SLC35F3: variants seen among roughly 807,000 people sequenced by gnomAD.
SLC35F3 encodes solute carrier family 35 member F3.
In SLC35F3, 25 loss-of-function variants were observed where a neutral mutation model predicts 49.9. The observed-to-expected ratio is 0.50, with a 90% CI of 0.37 to 0.70. The LOEUF is 0.70. Among genes scored for constraint, SLC35F3 ranks in the 30% least tolerant of loss-of-function variants. SLC35F3 has a pLI of 0.00. For synonymous variants in SLC35F3, 275 were observed against 265.4 expected, an observed-to-expected ratio of 1.04 and a Z score of -0.35; for missense variants, 525 against 639.8, an observed-to-expected ratio of 0.82 and a Z score of 1.94.
chr1:234,160,684 A>T (rs559287870), intron 2 of SLC35F3, among the ~76,000 whole-genome samples: 2 of 152,250 alleles, frequency 1.3e-5, no homozygotes, highest in South Asian at 4.1e-4. Context: ...CCAGCTAACC[A>T]AGAGCATCAG....
chr1:234,007,278 A>G (rs554989233), intron 2 of SLC35F3, among the ~76,000 whole-genome samples: 1 of 152,204 alleles, frequency 6.6e-6, no homozygotes, highest in Non-Finnish European at 1.5e-5. Context: ...TGCTGAGTGA[A>G]TGAGGATGCA....
At chr1:234,309,064 G>A (rs1165633802) in intron 3 of SLC35F3, 37 bp from the exon 4 acceptor site, 1 of 1,586,464 alleles carries the variant, frequency 6.3e-7, no homozygotes, top group African/African-American at 1.3e-5. Context: ...TCTGAACCCA[G>A]GAAAATAATA....
intron 2 of SLC35F3, among the ~76,000 whole-genome samples, chr1:234,186,182 G>A (rs772432650): frequency 3.0e-4 from 45 of 152,340 alleles, no homozygotes; most frequent in South Asian, 6.2e-4. Context: ...CAGTCTCATT[G>A]CATTAATATC....
At chr1:234,078,755 C>G (rs1443463049) in intron 2 of SLC35F3, among the ~76,000 whole-genome samples, 1 of 152,124 alleles carries the variant, frequency 6.6e-6, no homozygotes, top group Non-Finnish European at 1.5e-5. Context: ...TAAGATGTTA[C>G]AATCAGATCT....
chr1:234,231,867 A>C lies in SLC35F3; in HGVS notation c.608+126A>C. ...GTGGGAGCCCGTGGAGAGATGTTGC[A>C]GTGAATGCACCTGCTCTCAGTGGGG... On this transcript the variant is annotated intron_variant, in intron 3 of 7. Coordinates refer to ENST00000366618, the MANE Select transcript of SLC35F3 (RefSeq NM_173508.4). This position sits in a 1 kb window ranked among gnomAD's most constrained non-coding sequence, Gnocchi z 5.4. The C allele has an allele frequency of 1.1e-6, 1 of 903,568 alleles. No individual in the cohort carries two copies. The highest frequency in any genetic ancestry group is 1.7e-6 in the Non-Finnish European group (1 of 583,430). The allele number at this position is 903,568 out of a possible 1,614,324, so 56.0% of individuals were successfully genotyped here.
intron 2 of SLC35F3, among the ~76,000 whole-genome samples, chr1:233,943,639 C>T (rs938474928): frequency 1.3e-5 from 2 of 152,108 alleles, no homozygotes; most frequent in African/African-American, 4.8e-5. Context: ...ATGCAAAGGA[C>T]TCCAGTGTAA....
chr1:234,315,688 G>A (rs548837260), intron 4 of SLC35F3, among the ~76,000 whole-genome samples: 1 of 152,246 alleles, frequency 6.6e-6, no homozygotes, highest in South Asian at 2.1e-4. Flanking sequence ...TTCATAAGAG[G>A]GATAAAATTC....
rs1030682172 is a variant in SLC35F3, at chr1:234,120,865, C to G, written c.284-110552C>G. Among the ~76,000 whole-genome samples the G allele has an allele frequency of 3.3e-5, 5 of 152,328 alleles. No individual in the cohort carries two copies. The South Asian group carries it at 1.0e-3, about 32-fold the overall frequency. On this transcript the variant is annotated intron_variant, in intron 2 of 7. Coordinates refer to ENST00000366618, the MANE Select transcript of SLC35F3 (RefSeq NM_173508.4). ...AATCGAGGGATCTTTTAAGCATTCA[C>G]TAAATCTAGCATTTGCTAAATCTAA...
rs1209000475 is a variant in SLC35F3 at position 233,957,151 on chromosome 1, C to T, written c.283+51393C>T. Among the ~76,000 whole-genome samples the T allele has an allele frequency of 1.3e-5, 2 of 152,180 alleles. No individual in the cohort carries two copies. The highest frequency in any genetic ancestry group is 6.5e-5 in the Admixed American group (1 of 15,276). On this transcript the variant is annotated intron_variant, in intron 2 of 7. Transcript: ENST00000366618. The surrounding 1 kb of genome is among the most constrained non-coding windows in gnomAD (Gnocchi z 4.0). ...AACATGGGTAGGAGAAGAATAAAAGCTCTCACCCCTATTCCAAGACCTGGA... is the reference window on the plus strand; with the variant it reads ...AACATGGGTAGGAGAAGAATAAAAGTTCTCACCCCTATTCCAAGACCTGGA...
chr1:234,016,858 C>A (rs759001285), intron 2 of SLC35F3, among the ~76,000 whole-genome samples: 9 of 152,268 alleles, frequency 5.9e-5, no homozygotes, highest in Non-Finnish European at 1.2e-4. Flanking sequence ...TTCGCTTACA[C>A]CACTAACACC....
rs779828617 is a variant in SLC35F3, at chr1:234,231,436, C to T, written c.303C>T (p.Asp101=). The change falls in exon 3 of 8, where the codon GAC becomes GAT. Residue 101 remains aspartate (D), a synonymous_variant. Coordinates refer to ENST00000366618, the MANE Select transcript of SLC35F3 (RefSeq NM_173508.4). This position sits in a 1 kb window ranked among gnomAD's most constrained non-coding sequence, Gnocchi z 5.4. Reference sequence around the variant, plus strand: ...CCCCAGGGGAGGAGCGCCCCCGGGACTCCCCGGGCCCGGCGGAGGCCCAGG... The same window carrying T: ...CCCCAGGGGAGGAGCGCCCCCGGGATTCCCCGGGCCCGGCGGAGGCCCAGG... ...ASCKREERPR[D]SPGPAEAQAP... The T allele has an allele frequency of 1.8e-5, 29 of 1,585,824 alleles. No homozygotes were observed. The highest frequency in any genetic ancestry group is 2.3e-5 in the Non-Finnish European group (27 of 1,167,680).
At chr1:234,112,152 G>A (rs189880310) in intron 2 of SLC35F3, among the ~76,000 whole-genome samples, 69 of 152,200 alleles carry the variant, frequency 4.5e-4, no homozygotes, top group African/African-American at 1.6e-3. Context: ...ACTAGCCTGG[G>A]CAGTGAGACT....
intron 2 of SLC35F3, among the ~76,000 whole-genome samples, chr1:234,171,540 A>G (rs983332282): frequency 6.6e-6 from 1 of 152,160 alleles, no homozygotes; most frequent in Non-Finnish European, 1.5e-5. Context: ...TTCCAAGCCC[A>G]CCAAATCAAG....
intron 2 of SLC35F3, among the ~76,000 whole-genome samples, chr1:234,152,783 G>T (rs1666094892): frequency 6.6e-6 from 1 of 152,144 alleles, no homozygotes; most frequent in Admixed American, 6.5e-5. Flanking sequence ...TCTGGTTCTA[G>T]ATCCTTGAAA....
intron 2 of SLC35F3, among the ~76,000 whole-genome samples, chr1:234,215,997 T>G (rs1481457206): frequency 1.3e-5 from 2 of 152,140 alleles, no homozygotes; most frequent in African/African-American, 4.8e-5. Flanking sequence ...GGAGGTTGGG[T>G]TTTTTTCCTT....
At chr1:234,194,364 A>G (rs912869784) in intron 2 of SLC35F3, among the ~76,000 whole-genome samples, 3 of 152,210 alleles carry the variant, frequency 2.0e-5, no homozygotes, top group African/African-American at 7.2e-5. Flanking sequence ...CAAACATCGC[A>G]TGTTCTCACT....
At chr1:234,022,544 A>G (rs1663912353) in intron 2 of SLC35F3, among the ~76,000 whole-genome samples, 1 of 152,140 alleles carries the variant, frequency 6.6e-6, no homozygotes, top group Non-Finnish European at 1.5e-5. Flanking sequence ...TTTATTCAAC[A>G]TCCACAGATT....
At chr1:233,961,423 C>A (rs1452082338) in intron 2 of SLC35F3, among the ~76,000 whole-genome samples, 1 of 148,984 alleles carries the variant, frequency 6.7e-6, no homozygotes, top group Admixed American at 6.7e-5. Context: ...ACTGACGTGT[C>A]CTCATTTCAG....
intron 2 of SLC35F3, among the ~76,000 whole-genome samples, chr1:234,048,285 T>C (rs1664323372): frequency 6.6e-6 from 1 of 152,156 alleles, no homozygotes; most frequent in South Asian, 2.1e-4. Context: ...TTGTATGTTA[T>C]GAAAAATGAG....
Sources: allele counts gnomAD v4.1 joint callset (sites outside exome capture counted in the v4.1 genomes callset), GRCh38; gene constraint gnomAD v4.1.1; non-coding constraint Gnocchi (gnomAD v3.1); transcripts MANE v1.5; gene names NCBI Gene and HGNC (gene_info 2026-07-23, HGNC 2026-07-21).